The following MYO15B variants were observed in gnomAD, a reference collection of about 807,000 sequenced individuals.
MYO15B encodes the protein myosin XVB.
MYO15B carries 207 observed loss-of-function variants against 119.3 expected under a neutral mutation model. That is an observed-to-expected ratio of 1.73 (90% CI 1.55 to 1.95). The LOEUF is 1.95. Ranked by LOEUF, MYO15B falls within the 30% of genes most tolerant of loss-of-function variation. MYO15B has a pLI of 0.00. For missense variants in MYO15B, 2,264 were observed against 1,203.1 expected (o/e 1.88, Z -13.04); for synonymous variants, 966 against 498.9 (o/e 1.94, Z -12.48).
chr17:75,610,383 C>T, intron 22 of MYO15B, 124 bp downstream of exon 22: 1 of 567,564 alleles, frequency 1.8e-6, no homozygotes, highest in South Asian at 2.2e-5. Context: ...GCTTCAGACA[C>T]AGTGCTCCTT....
chr17:75,606,075 G>A (rs541982900), intron 21 of MYO15B, 54 bp downstream of exon 21: 25 of 627,476 alleles, frequency 4.0e-5, no homozygotes, highest in Admixed American at 2.1e-4. Context: ...CCGTGGGTTC[G>A]TCCTCCAGGT....
chr17:75,610,003 T>C (rs1162784817), intron 21 of MYO15B, among the ~76,000 whole-genome samples, 163 bp from the exon 22 acceptor site: 4 of 152,232 alleles, frequency 2.6e-5, no homozygotes, highest in Non-Finnish European at 4.4e-5. Context: ...TGCTTTTCTT[T>C]TGAAGTATCC....
chr17:75,626,564 A>G (rs1050642820), exon 64 of MYO15B: 62 of 697,524 alleles, frequency 8.9e-5, no homozygotes, highest in Middle Eastern at 2.3e-4. Flanking sequence ...CTTGGATGCT[A>G]TCAGATCACT....
At chr17:75,591,415 A>C (rs2056440222) in intron 4 of MYO15B, 169 bp downstream of exon 4, 1 of 618,134 alleles carries the variant, frequency 1.6e-6, no homozygotes, top group African/African-American at 1.8e-5. Flanking sequence ...AGCCCCTGGA[A>C]TGTGGCATCT....
chr17:75,616,239 A>G, intron 37 of MYO15B, 73 bp from the exon 38 acceptor site: 1 of 586,508 alleles, frequency 1.7e-6, no homozygotes, highest in Admixed American at 3.2e-5. Context: ...TGCTCCCCGG[A>G]GTTGGTGCGG....
In MYO15B at chr17:75,609,117, G is replaced by C. The variant is rs566694888; in HGVS notation, c.4293-1049G>C. 1.5e-4 allele frequency among the ~76,000 whole-genome samples: 23 copies of C among 152,050 alleles called. 1 individual carries two copies. Among genetic ancestry groups the C allele is most frequent in the African/African-American group, 5.5e-4 (23 of 41,482 alleles). ...CTGGTCTCTAGTGATCCTCCCACTT[G>C]AGCCTCCCAAGGTACAGGGATTACA... is the stretch of plus-strand genomic sequence containing the variant. On this transcript the variant is annotated intron_variant, in intron 21 of 63. Coordinates refer to ENST00000645453, the Ensembl canonical transcript of MYO15B.
chr17:75,605,945 C>T (rs943644252), exon 21 of MYO15B: 16 of 702,654 alleles, frequency 2.3e-5, no homozygotes, highest in African/African-American at 7.0e-5. Flanking sequence ...CGACCTGCAC[C>T]GCAGCTTCCA....
exon 50 of MYO15B, chr17:75,621,152 G>C: frequency 2.9e-6 from 2 of 699,454 alleles, no homozygotes; most frequent in Non-Finnish European, 5.2e-6. Flanking sequence ...TTCGCCCGGC[G>C]TTACTTCCGG....
chr17:75,594,645 A>T (rs2056730828), intron 10 of MYO15B, 56 bp from the exon 11 acceptor site: 1 of 699,854 alleles, frequency 1.4e-6, no homozygotes, highest in African/African-American at 1.7e-5. Flanking sequence ...CAGGCTGAGT[A>T]AGCACCATGA....
At chr17:75,614,178 G>T in intron 29 of MYO15B, 21 bp from the exon 30 acceptor site, 1 of 700,410 alleles carries the variant, frequency 1.4e-6, no homozygotes, top group South Asian at 1.5e-5. Flanking sequence ...CTGCCTCACT[G>T]ACTGGTCCCC....
At chr17:75,591,849 C>T (rs1220999709) in intron 5 of MYO15B, 128 bp from the exon 6 acceptor site, 1 of 668,466 alleles carries the variant, frequency 1.5e-6, no homozygotes, top group East Asian at 2.7e-5. Context: ...CTGGCGTCTC[C>T]TGGGGTCAGC....
rs1308800156 is a variant in MYO15B at position 75,614,857 on chromosome 17, G to A, written c.5559+8G>A. 1.0e-5 allele frequency: 7 copies of A among 702,700 alleles called. No individual in the cohort carries two copies. The highest frequency in any genetic ancestry group is 2.7e-5 in the East Asian group (1 of 37,298). 43.5% of individuals were successfully genotyped at this position (702,700 alleles called of 1,614,324 possible). On this transcript the variant is annotated splice_region_variant and intron_variant, in intron 32 of 63. Transcript: ENST00000645453. ...ATATCCTCCGGCCTCAGCGTGAGTC[G>A]GGCACAGCCCCCAAATGCCCCTGCC...
intron 58 of MYO15B, 29 bp from the exon 59 acceptor site, chr17:75,624,742 G>A (rs1208957941): frequency 2.8e-6 from 2 of 702,698 alleles, no homozygotes; most frequent in Admixed American, 2.0e-5. Context: ...TGTGGTCTGA[G>A]CAGCAGTGGA....
chr17:75,621,599 C>A, intron 52 of MYO15B, 29 bp downstream of exon 52: 1 of 698,026 alleles, frequency 1.4e-6, no homozygotes, highest in Non-Finnish European at 2.6e-6. Flanking sequence ...CCTGGGTCCC[C>A]ATGTCTGCAG....
Position 75,596,918 on chromosome 17 carries a change from A to AC in MYO15B, c.3525+25dup, listed in dbSNP as rs369628968. Reference sequence around the variant, plus strand: ...GTCCCAGGTAAGGGCCAGGATGGTGACCCCCCACCCAGTGTCGGGAAGGAG... The same window carrying AC: ...GTCCCAGGTAAGGGCCAGGATGGTGACCCCCCCACCCAGTGTCGGGAAGGAG... On this transcript the variant is annotated intron_variant, in intron 14 of 63. Transcript: ENST00000645453. 1.9e-5 allele frequency: 13 copies of AC among 680,640 alleles called. No individual in the cohort carries two copies. Among genetic ancestry groups the AC allele is most frequent in the Middle Eastern group, 2.3e-4 (1 of 4,278 alleles). The allele number at this position is 680,640 out of a possible 1,614,324, so 42.2% of individuals were successfully genotyped here. A position where few individuals can be genotyped will look rare whatever the true frequency, so the allele number is the denominator to read the frequency against.
At chr17:75,619,888 G>T (rs766303051) in exon 47 of MYO15B, 3 of 702,106 alleles carry the variant, frequency 4.3e-6, no homozygotes, top group Non-Finnish European at 7.8e-6. Context: ...GCTTTGCGGA[G>T]GTGCTGGGTG....
chr17:75,592,508 G>C, exon 8 of MYO15B: 2 of 606,576 alleles, frequency 3.3e-6, no homozygotes, highest in Non-Finnish European at 5.9e-6. Flanking sequence ...GGCTCTCCCT[G>C]CAGGGACCGG....
intron 52 of MYO15B, 57 bp from the exon 53 acceptor site, chr17:75,621,947 C>T (rs185349811): frequency 9.2e-5 from 64 of 696,858 alleles, no homozygotes; most frequent in African/African-American, 5.9e-4. Context: ...CAGCATGAGC[C>T]GGGGCCAGCC....
exon 24 of MYO15B, chr17:75,611,645 G>A: frequency 1.4e-6 from 1 of 702,850 alleles, no homozygotes; most frequent in East Asian, 2.7e-5. Context: ...CCGTCATGCT[G>A]AAGACGGCGG....
Sources: allele counts gnomAD v4.1 joint callset (sites outside exome capture counted in the v4.1 genomes callset), GRCh38; gene constraint gnomAD v4.1.1; transcripts MANE v1.5; gene names NCBI Gene and HGNC (gene_info 2026-07-23, HGNC 2026-07-21).